KCNH1: variants seen among roughly 807,000 people sequenced by gnomAD.
KCNH1 encodes potassium voltage-gated channel subfamily H member 1.
In KCNH1, 27 loss-of-function variants were observed where a neutral mutation model predicts 69.2. That is an observed-to-expected ratio of 0.39 (90% CI 0.29 to 0.54). The LOEUF is 0.54. Ranked by LOEUF, KCNH1 falls within the 20% of genes least tolerant of loss-of-function variation. KCNH1 has a pLI of 0.68. For missense variants in KCNH1, 798 were observed against 1,261.6 expected (o/e 0.63, Z 5.57); for synonymous variants, 456 against 487.7 (o/e 0.93, Z 0.86).
intron 7 of KCNH1, among the ~76,000 whole-genome samples, chr1:210,866,492 GC>G (rs1334866323): frequency 6.6e-6 from 1 of 151,990 alleles, no homozygotes. Context: ...TATAGAAATG[GC>G]CAATAAGCAC....
chr1:210,699,086 C>T (rs577837940), intron 10 of KCNH1, among the ~76,000 whole-genome samples: 1 of 152,328 alleles, frequency 6.6e-6, no homozygotes, highest in Admixed American at 6.5e-5. Flanking sequence ...ACCTTCTGCT[C>T]CCCAAGTGAG....
intron 7 of KCNH1, among the ~76,000 whole-genome samples, chr1:210,875,823 C>A (rs541419818): frequency 9.3e-5 from 14 of 150,504 alleles, no homozygotes; most frequent in South Asian, 4.2e-4. Context: ...AAAAATAAAT[C>A]AATAGCATTA....
intron 6 of KCNH1, among the ~76,000 whole-genome samples, chr1:210,935,261 C>A (rs1382070108): frequency 6.6e-6 from 1 of 150,888 alleles, no homozygotes; most frequent in African/African-American, 2.4e-5. Flanking sequence ...ATGAAATGAA[C>A]CAGGCATGAA....
intron 1 of KCNH1, among the ~76,000 whole-genome samples, chr1:211,115,124 G>A (rs1691545837): frequency 6.6e-6 from 1 of 152,052 alleles, no homozygotes; most frequent in Non-Finnish European, 1.5e-5. Context: ...GAGTAGCTAG[G>A]ACTATAGACA....
At chr1:210,871,144 C>T (rs1183341488) in intron 7 of KCNH1, among the ~76,000 whole-genome samples, 2 of 151,776 alleles carry the variant, frequency 1.3e-5, no homozygotes, top group African/African-American at 2.4e-5. Flanking sequence ...ATCTTCACAA[C>T]CTATTCATCT....
intron 7 of KCNH1, among the ~76,000 whole-genome samples, chr1:210,871,751 A>G (rs1686253171): frequency 6.6e-6 from 1 of 151,818 alleles, no homozygotes; most frequent in South Asian, 2.1e-4. Flanking sequence ...TGTCCTTTGT[A>G]GGGACATGGA....
chr1:210,814,340 C>T (rs997575111), intron 7 of KCNH1, among the ~76,000 whole-genome samples: 1 of 152,074 alleles, frequency 6.6e-6, no homozygotes, highest in Non-Finnish European at 1.5e-5. Flanking sequence ...ATGCTTATCA[C>T]AGTACCTTGC....
Position 210,909,783 on chromosome 1 carries a change from A to T in KCNH1, c.1462+9857T>A, listed in dbSNP as rs17017043. On this transcript the variant is annotated intron_variant, in intron 7 of 10. Coordinates refer to ENST00000271751, the MANE Select transcript of KCNH1 (RefSeq NM_172362.3). ...TGCTGTCTAGGTAGTCTCCTTTCTG[A>T]GTAGTATCAATTCAAAGAGGGGCTG... Among the ~76,000 whole-genome samples, 557 of 152,302 alleles carry T rather than the reference A, an allele frequency of 3.7e-3. 3 individuals are homozygous for T. The highest frequency in any genetic ancestry group is 0.013 in the African/African-American group (536 of 41,542).
intron 10 of KCNH1, among the ~76,000 whole-genome samples, chr1:210,711,372 C>T (rs1682070420): frequency 6.6e-6 from 1 of 152,230 alleles, no homozygotes; most frequent in African/African-American, 2.4e-5. Context: ...CTTCATCTCT[C>T]TAAATTGTAC....
At chr1:210,921,281 T>G (rs1687454331) in intron 6 of KCNH1, among the ~76,000 whole-genome samples, 1 of 152,188 alleles carries the variant, frequency 6.6e-6, no homozygotes, top group Admixed American at 6.5e-5. Context: ...CTACTTCCAT[T>G]ACAAAGCAAA....
At chr1:210,976,530 C>T (rs200229781) in intron 6 of KCNH1, among the ~76,000 whole-genome samples, 3,016 of 128,268 alleles carry the variant, frequency 0.024, 101 homozygotes, top group African/African-American at 0.069. Flanking sequence ...TCAACCATTG[C>T]GGAAGTCAGT....
chr1:210,775,608 T>C, intron 9 of KCNH1, 64 bp from the exon 10 acceptor site: 1 of 1,199,580 alleles, frequency 8.3e-7, no homozygotes. Context: ...TCCAGCTGGC[T>C]TCCCTCTATT....
intron 6 of KCNH1, among the ~76,000 whole-genome samples, chr1:210,986,626 G>A (rs772508445): frequency 2.1e-4 from 32 of 152,240 alleles, no homozygotes; most frequent in Middle Eastern, 3.4e-3. Context: ...CTCTCTTCTG[G>A]CTTGTAGAAT....
At chr1:210,795,144 GTTGTTGT>G (rs1451378083) in intron 9 of KCNH1, among the ~76,000 whole-genome samples, 1 of 151,662 alleles carries the variant, frequency 6.6e-6, no homozygotes, top group Non-Finnish European at 1.5e-5. Flanking sequence ...TGTTGTTGTT[GTTGTTGT>G]TTGTTTGTTT....
chr1:211,083,552 C>T (rs1175327495), intron 4 of KCNH1, among the ~76,000 whole-genome samples: 1 of 152,100 alleles, frequency 6.6e-6, no homozygotes, highest in Non-Finnish European at 1.5e-5. Context: ...CTTTTAAAGG[C>T]CCCCAAAGAC....
chr1:210,784,884 T>A (rs1454791550), intron 9 of KCNH1, among the ~76,000 whole-genome samples: 1 of 152,100 alleles, frequency 6.6e-6, no homozygotes, highest in Non-Finnish European at 1.5e-5. Flanking sequence ...TGACTTTCTC[T>A]CCCAAGCAGT....
At chr1:211,046,753 C>A (rs2102436794) in intron 5 of KCNH1, among the ~76,000 whole-genome samples, 1 of 152,168 alleles carries the variant, frequency 6.6e-6, no homozygotes, top group East Asian at 1.9e-4. Context: ...AACAACCATG[C>A]AAGGTAAATA....
intron 10 of KCNH1, among the ~76,000 whole-genome samples, chr1:210,720,511 A>G (rs765350561): frequency 6.6e-6 from 1 of 152,228 alleles, no homozygotes; most frequent in Non-Finnish European, 1.5e-5. Flanking sequence ...GGACAGTCTC[A>G]GGAAGAATGT....
At chr1:211,072,511 GA>G (rs1412282385) in intron 5 of KCNH1, among the ~76,000 whole-genome samples, 1 of 152,102 alleles carries the variant, frequency 6.6e-6, no homozygotes, top group East Asian at 1.9e-4. Context: ...ACAGTTCAAT[GA>G]AAAATAACAT....
Sources: gnomAD v4.1 joint callset for allele counts (sites outside exome capture counted in the v4.1 genomes callset) on GRCh38, gnomAD v4.1.1 for gene constraint, MANE v1.5 for transcripts, NCBI Gene and HGNC (gene_info 2026-07-23, HGNC 2026-07-21) for gene names.